Variants in SPANXN4 observed in about 807,000 individuals in gnomAD.
SPANXN4 encodes sperm protein associated with the nucleus on the X chromosome N4.
Under a neutral mutation model 6.0 loss-of-function variants are expected in SPANXN4, and 5 were observed. The observed-to-expected ratio is 0.83, with a 90% CI of 0.44 to 1.75. SPANXN4 has a LOEUF of 1.75. Ranked by LOEUF, SPANXN4 falls within the 40% of genes most tolerant of loss-of-function variation. The pLI is 0.02. For synonymous variants in SPANXN4, 45 were observed against 38.0 expected (o/e 1.19, Z -0.68); for missense variants, 157 against 108.6 (o/e 1.45, Z -1.98).
At chrX:143,036,832 T>C (rs1932846044), downstream of SPANXN4, among the ~76,000 whole-genome samples, 1 of 111,661 alleles carries the variant, frequency 9.0e-6, no homozygotes, top group Admixed American at 9.5e-5. Flanking sequence ...TGGGAGTACA[T>C]TGAATCTGTA....
Position 143,026,031 on chromosome X carries a change from C to T in SPANXN4, c.17C>T (p.Ser6Phe), listed in dbSNP as rs1439533444. 2.5e-6 allele frequency: 3 copies of T among 1,209,534 alleles called. No homozygotes were observed. In the South Asian group the frequency reaches 5.3e-5, roughly 21 times the overall value. ...ACCATAATCATGGAAGAGCCAACTT[C>T]CAGCACCAACGAGAATAAAATGAAG... is the stretch of plus-strand genomic sequence containing the variant. The change falls in exon 1 of 3, where the codon TCC becomes TTC. Residue 6 changes from serine (S) to phenylalanine (F), a missense_variant. Transcript: ENST00000370504.
exon 1 of SPANXN4, chrX:143,026,002 A>G: frequency 8.3e-7 from 1 of 1,205,188 alleles, no homozygotes; most frequent in Non-Finnish European, 1.1e-6. Flanking sequence ...AAATTCTACA[A>G]CCAACCATAA....
chrX:143,038,398 AC>A (rs1182238790), downstream of SPANXN4, among the ~76,000 whole-genome samples: 5 of 111,885 alleles, frequency 4.5e-5, no homozygotes, highest in African/African-American at 6.5e-5. Flanking sequence ...TTAATTAATA[AC>A]TTTAGGTCTT....
At chrX:143,034,102 A>G in exon 2 of SPANXN4, 1 of 1,179,754 alleles carries the variant, frequency 8.5e-7, no homozygotes, top group Middle Eastern at 2.3e-4. Context: ...ATCCAACATT[A>G]GTGTTTTACT....
At chrX:143,035,119 G>A (rs996411862), downstream of SPANXN4, among the ~76,000 whole-genome samples, 3 of 104,804 alleles carry the variant, frequency 2.9e-5, no homozygotes, top group African/African-American at 7.0e-5. Context: ...AGAAAATATC[G>A]TTTTTATTGG....
At position 143,032,532 on chromosome X, in the gene SPANXN4, G is replaced by A. The variant is rs142111150; in HGVS notation, c.79-1496G>A. Among the ~76,000 whole-genome samples, 530 of 110,830 alleles carry A rather than the reference G, an allele frequency of 4.8e-3. 9 individuals carry two copies. Among genetic ancestry groups the A allele is most frequent in the Admixed American group, 0.041 (425 of 10,408 alleles). On this transcript the variant is annotated intron_variant, in intron 1 of 2. Transcript: ENST00000370504. ...TTAGAGGAGAAAGGCTTGTCCTGAGGAGGAGGCATTTTTGCGGGTTTTTCA... is the reference window on the plus strand; with the variant it reads ...TTAGAGGAGAAAGGCTTGTCCTGAGAAGGAGGCATTTTTGCGGGTTTTTCA...
chrX:143,033,798 A>G (rs1339265248), intron 1 of SPANXN4, among the ~76,000 whole-genome samples: 1 of 111,498 alleles, frequency 9.0e-6, no homozygotes, highest in African/African-American at 3.3e-5. Context: ...GGTCTGCATA[A>G]TAGCAGGGAG....
At chrX:143,035,829 A>T (rs1305868823), downstream of SPANXN4, among the ~76,000 whole-genome samples, 1 of 109,106 alleles carries the variant, frequency 9.2e-6, no homozygotes, top group African/African-American at 3.3e-5. Flanking sequence ...AATTCATGAT[A>T]TAATTTCATT....
At chrX:143,034,432 GC>G in intron 2 of SPANXN4, 121 bp downstream of exon 2, 1 of 1,100,814 alleles carries the variant, frequency 9.1e-7, no homozygotes, top group Non-Finnish European at 1.2e-6. Flanking sequence ...CCACAGGTTA[GC>G]CAGACATTGT....
intron 1 of SPANXN4, among the ~76,000 whole-genome samples, chrX:143,032,652 T>C (rs1932817637): frequency 9.0e-6 from 1 of 110,949 alleles, no homozygotes; most frequent in Non-Finnish European, 1.9e-5. Context: ...TCCTTTACCA[T>C]TGCATTAGAG....
At chrX:143,027,890 G>C (rs1015146432) in intron 1 of SPANXN4, among the ~76,000 whole-genome samples, 1 of 110,863 alleles carries the variant, frequency 9.0e-6, no homozygotes, top group African/African-American at 3.3e-5. Context: ...TTTGGAAGGC[G>C]CCCTGCAGTC....
At chrX:143,031,831 T>C (rs1055431193) in intron 1 of SPANXN4, among the ~76,000 whole-genome samples, 5 of 111,610 alleles carry the variant, frequency 4.5e-5, no homozygotes, top group East Asian at 2.8e-4. Flanking sequence ...GACTGGGAGA[T>C]AAAGTGTAAA....
chrX:143,034,701 C>G, exon 3 of SPANXN4: 1 of 1,131,171 alleles, frequency 8.8e-7, no homozygotes, highest in Non-Finnish European at 1.2e-6. Context: ...AACTGAAGGT[C>G]CTCAAAAGGA....
downstream of SPANXN4, among the ~76,000 whole-genome samples, chrX:143,038,299 AC>A (rs1466704745): frequency 9.0e-6 from 1 of 111,377 alleles, no homozygotes; most frequent in Non-Finnish European, 1.9e-5. Flanking sequence ...CTACATGAAA[AC>A]TGTTTCTCAT....
At chrX:143,034,295 T>C (rs1932831273) in intron 2 of SPANXN4, 1 of 1,105,085 alleles carries the variant, frequency 9.0e-7, no homozygotes, top group Non-Finnish European at 1.2e-6. Flanking sequence ...TACAATAAAA[T>C]CAGTTTGAGG....
chrX:143,034,851 G>A, downstream of SPANXN4: 1 of 755,565 alleles, frequency 1.3e-6, no homozygotes, highest in Non-Finnish European at 1.7e-6. Flanking sequence ...GTGGGGCACT[G>A]GGAGTGGCCT....
chrX:143,026,177 A>C (rs1932777035), intron 1 of SPANXN4, 85 bp downstream of exon 1: 5 of 806,393 alleles, frequency 6.2e-6, no homozygotes, highest in East Asian at 3.4e-5. Flanking sequence ...ACACGGGTAT[A>C]CTGCAGACAC....
At chrX:143,034,649 C>T in exon 3 of SPANXN4, 1 of 1,161,296 alleles carries the variant, frequency 8.6e-7, no homozygotes, top group Non-Finnish European at 1.1e-6. Flanking sequence ...AGGCCACATA[C>T]CTCAGAGTGG....
intron 1 of SPANXN4, among the ~76,000 whole-genome samples, chrX:143,033,567 G>T (rs1932823955): frequency 9.0e-6 from 1 of 111,665 alleles, no homozygotes; most frequent in African/African-American, 3.3e-5. Context: ...CAGCTGGGCA[G>T]TATGGGATGC....
Sources: gnomAD v4.1 joint callset for allele counts (sites outside exome capture counted in the v4.1 genomes callset) on GRCh38, gnomAD v4.1.1 for gene constraint, MANE v1.5 for transcripts, NCBI Gene and HGNC (gene_info 2026-07-23, HGNC 2026-07-21) for gene names.